The following GSG1L variants were observed in gnomAD, a reference collection of about 807,000 sequenced individuals.
GSG1L encodes the protein germ cell-specific gene 1-like protein.
Under a neutral mutation model 42.1 loss-of-function variants are expected in GSG1L, and 24 were observed. The ratio of observed to expected loss-of-function variants is 0.57; its 90% confidence interval spans 0.41 to 0.80. The LOEUF (loss-of-function observed/expected upper bound fraction) is 0.80, where lower values mean the gene tolerates loss of function less well. Ranked by LOEUF, GSG1L falls within the 30% of genes least tolerant of loss-of-function variation. The pLI is 0.00. For synonymous variants in GSG1L, 215 were observed against 203.5 expected, an observed-to-expected ratio of 1.06 and a Z score of -0.48; for missense variants, 445 against 472.2, an observed-to-expected ratio of 0.94 and a Z score of 0.53.
At chr16:28,021,671 C>T (rs891759525) in intron 1 of GSG1L, among the ~76,000 whole-genome samples, 4 of 152,218 alleles carry the variant, frequency 2.6e-5, no homozygotes, top group African/African-American at 9.7e-5. Flanking sequence ...CTCTTTAGAA[C>T]TCTTCTGTCC....
intron 2 of GSG1L, among the ~76,000 whole-genome samples, chr16:27,957,055 G>C (rs2085013762): frequency 6.6e-6 from 1 of 152,164 alleles, no homozygotes; most frequent in South Asian, 2.1e-4. Flanking sequence ...TCAGTATCAA[G>C]TTCACAACAT....
At position 27,884,574 on chromosome 16, in the gene GSG1L, G is replaced by A. The variant is rs181004687; in HGVS notation, c.462C>T (p.Ser154=). ...LYILLLVVGF[S]LMCLELFHSS... The stretch of plus-strand genomic sequence containing the variant: ...AGTGGAAGAGCTCGAGACACATGAG[G>A]CTGAAGCCAACCACCAGCAGCAGAA... The change falls in exon 3 of 7, where the codon AGC becomes AGT. Residue 154 remains serine, a synonymous_variant. Transcript: ENST00000447459. This position sits in a 1 kb window ranked among gnomAD's most constrained non-coding sequence, Gnocchi z 4.4. 1.9e-6 allele frequency: 3 copies of A among 1,613,172 alleles called. No individual in the cohort carries two copies. The highest frequency in any genetic ancestry group is 1.7e-5 in the Admixed American group (1 of 59,904).
intron 2 of GSG1L, among the ~76,000 whole-genome samples, chr16:27,954,169 C>T (rs765013629): frequency 1.3e-5 from 2 of 152,128 alleles, no homozygotes; most frequent in Non-Finnish European, 2.9e-5. Context: ...TGGGATTGAA[C>T]ATGGGGCTGA....
Position 27,909,331 on chromosome 16 carries a change from C to A in GSG1L, c.398-24693G>T, listed in dbSNP as rs368511150. 1.3e-3 allele frequency among the ~76,000 whole-genome samples: 194 copies of A among 150,788 alleles called. 2 individuals carry two copies. The highest frequency in any genetic ancestry group is 3.2e-3 in the African/African-American group (133 of 41,074). On this transcript the variant is annotated intron_variant, in intron 2 of 6. Coordinates refer to ENST00000447459, the MANE Select transcript of GSG1L (RefSeq NM_001109763.2). ...CAATTATTTTTTCTTTTCTCTCTTT[C>A]TTTCTTTTTCTTTCTTTCTTTCTTT... is the stretch of plus-strand genomic sequence containing the variant.
intron 3 of GSG1L, among the ~76,000 whole-genome samples, chr16:27,861,055 C>T (rs1315683088): frequency 6.6e-6 from 1 of 152,024 alleles, no homozygotes; most frequent in African/African-American, 2.4e-5. Flanking sequence ...TAATAAATGC[C>T]CCATTGTAGG....
intron 2 of GSG1L, among the ~76,000 whole-genome samples, chr16:27,888,470 C>CTT (rs2084066297): frequency 3.8e-5 from 2 of 53,008 alleles, no homozygotes; most frequent in Non-Finnish European, 8.0e-5. Flanking sequence ...CTTTCTCTCT[C>CTT]TCTCTCTCTT....
chr16:27,874,441 CTTTTT>C (rs71140916), intron 3 of GSG1L, among the ~76,000 whole-genome samples: 1 of 94,472 alleles, frequency 1.1e-5, no homozygotes, highest in African/African-American at 3.7e-5. Flanking sequence ...ACAGGAGAGC[CTTTTT>C]TTTTTTTTTT....
intron 6 of GSG1L, 84 bp downstream of exon 6, chr16:27,807,403 T>C (rs2082978057): frequency 8.9e-7 from 1 of 1,123,532 alleles, no homozygotes; most frequent in African/African-American, 1.5e-5. Context: ...GGGTGGGGGC[T>C]GGCCTGACTC....
chr16:27,791,426 C>A lies in GSG1L; in HGVS notation c.940G>T (p.Ala314Ser), dbSNP rs146212260. 2.0e-6 allele frequency: 3 copies of A among 1,524,384 alleles called. No homozygotes were observed. In the South Asian group the frequency reaches 3.8e-5, roughly 19 times the overall value. The allele number at this position is 1,524,384 out of a possible 1,614,324, so 94.4% of individuals were successfully genotyped here. A position where few individuals can be genotyped will look rare whatever the true frequency, so the allele number is the denominator to read the frequency against. The change falls in exon 7 of 7, where the codon GCA (alanine) becomes TCA (serine). Residue 314 changes from alanine (A) to serine (S), a missense_variant. Ala to Ser is a moderately conservative substitution (Grantham distance 99). This residue lies in a region of GSG1L where 140 missense variants were observed against 120.6 expected (regional missense o/e 1.16). Coordinates refer to ENST00000447459, the MANE Select transcript of GSG1L (RefSeq NM_001109763.2). ...CGGTTCAGCTCTGGTGCTTCCTGTG[C>A]GGAGCTCCGGGGCCAGGAATCCGCC... Reference protein sequence around the residue: ...HMADSWPRSSAQEAPELNRQC... With the variant: ...HMADSWPRSSSQEAPELNRQC...
At chr16:28,008,113 C>CT (rs993830234) in intron 1 of GSG1L, among the ~76,000 whole-genome samples, 3 of 151,822 alleles carry the variant, frequency 2.0e-5, no homozygotes, top group Admixed American at 6.6e-5. Context: ...GATTGAGTCT[C>CT]TTGTCACCCA....
At chr16:27,812,758 TTTG>T (rs753382446) in intron 5 of GSG1L, among the ~76,000 whole-genome samples, 65 of 151,606 alleles carry the variant, frequency 4.3e-4, no homozygotes, top group Admixed American at 3.8e-3. Flanking sequence ...TTATTTTGTC[TTTG>T]TTGTTGTTGT....
chr16:27,799,227 A>C (rs7202650), intron 6 of GSG1L, among the ~76,000 whole-genome samples: 26,073 of 147,582 alleles, frequency 0.18, 2,325 homozygotes, highest in African/African-American at 0.23. Flanking sequence ...AAGACCCCAT[A>C]TCTACCAAAA....
intron 1 of GSG1L, among the ~76,000 whole-genome samples, chr16:28,004,716 C>T (rs1024086959): frequency 3.3e-5 from 5 of 151,848 alleles, no homozygotes; most frequent in Non-Finnish European, 7.4e-5. Flanking sequence ...AGGTGGAAGC[C>T]GCAGTGAGCT....
intron 4 of GSG1L, among the ~76,000 whole-genome samples, chr16:27,835,918 A>G (rs2083316516): frequency 6.6e-6 from 1 of 152,170 alleles, no homozygotes; most frequent in South Asian, 2.1e-4. Context: ...AGGAGAAGTA[A>G]AGTTTCTCTG....
chr16:27,792,599 G>A (rs762927505), intron 6 of GSG1L, among the ~76,000 whole-genome samples: 1 of 152,056 alleles, frequency 6.6e-6, no homozygotes, highest in Non-Finnish European at 1.5e-5. Flanking sequence ...TCTCCAGGAA[G>A]CCCCCTCTGA....
In GSG1L at chr16:27,958,626, G is replaced by T. The variant is rs886445874; in HGVS notation, c.397+4530C>A. ...CATTCATATTAAATACCCAAGGGTG[G>T]GTTTATAAGAGACTTTCATCTGTAA... is the stretch of plus-strand genomic sequence containing the variant. On this transcript the variant is annotated intron_variant, in intron 2 of 6. Coordinates refer to ENST00000447459, the MANE Select transcript of GSG1L (RefSeq NM_001109763.2). Among the ~76,000 whole-genome samples the T allele has an allele frequency of 2.0e-5, 3 of 152,014 alleles. No homozygotes were observed. In the South Asian group the frequency reaches 6.2e-4, roughly 32 times the overall value.
intron 1 of GSG1L, among the ~76,000 whole-genome samples, chr16:28,030,398 G>C (rs898729778): frequency 1.3e-5 from 2 of 152,104 alleles, no homozygotes; most frequent in African/African-American, 4.8e-5. Context: ...ACCTGGAGCT[G>C]CTGGGGCCAC....
chr16:27,825,544 CAT>C (rs1323850688), intron 5 of GSG1L, among the ~76,000 whole-genome samples: 2 of 152,148 alleles, frequency 1.3e-5, no homozygotes, highest in Non-Finnish European at 2.9e-5. Context: ...CATGGTGGCA[CAT>C]GTTACTTGGG....
chr16:27,997,072 A>G (rs190643520), intron 1 of GSG1L, among the ~76,000 whole-genome samples: 25 of 152,028 alleles, frequency 1.6e-4, no homozygotes, highest in African/African-American at 5.5e-4. Flanking sequence ...TTATCTTACA[A>G]TTCTATAGGT....
Sources: gnomAD v4.1 joint callset for allele counts (sites outside exome capture counted in the v4.1 genomes callset) on GRCh38, gnomAD v4.1.1 for gene constraint, gnomAD v4.1.1 regional missense constraint, Gnocchi (gnomAD v3.1) non-coding constraint, MANE v1.5 for transcripts, NCBI Gene and HGNC (gene_info 2026-07-23, HGNC 2026-07-21) for gene names.